RNASEH2B: variants seen among roughly 807,000 people sequenced by gnomAD.
RNASEH2B encodes the protein ribonuclease H2 subunit B, also known as Aicardi-Goutieres syndrome 2 protein.
RNASEH2B carries 36 observed loss-of-function variants against 45.0 expected under a neutral mutation model. The observed-to-expected ratio is 0.80, with a 90% confidence interval of 0.61 to 1.06. RNASEH2B has a LOEUF of 1.06. RNASEH2B is among the 50% of genes least tolerant of loss of function. The pLI is 0.00. For synonymous variants in RNASEH2B, 119 were observed against 125.7 expected (o/e 0.95, Z 0.35); for missense variants, 361 against 360.3 (o/e 1.00, Z -0.02).
In RNASEH2B at chr13:50,948,005, C is replaced by A. The variant is rs1566088283; in HGVS notation, c.635C>A (p.Ala212Asp). 2 of 1,610,654 alleles carry A rather than the reference C, an allele frequency of 1.2e-6. No individual in the cohort carries two copies. The highest frequency in any genetic ancestry group is 1.7e-6 in the Non-Finnish European group (2 of 1,179,134). Residue 212 changes from alanine to aspartate, a missense_variant, in exon 8 of 11, where the codon GCC becomes GAC. Transcript: ENST00000336617. ...TDKEEDYIRY[A>D]HGLISDYIPK... Reference sequence around the variant, plus strand: ...CTTTCAGAGGATTATATTCGTTATGCCCATGGTCTGATATCTGACTACATC... The same window carrying A: ...CTTTCAGAGGATTATATTCGTTATGACCATGGTCTGATATCTGACTACATC...
At chr13:50,970,215 T>G (rs1217140921) in exon 10 of RNASEH2B, 2 of 581,696 alleles carry the variant, frequency 3.4e-6, no homozygotes, top group African/African-American at 3.8e-5. Flanking sequence ...GCGGTGCACC[T>G]GTTCAGTCTG....
chr13:50,946,592 T>A (rs574805372), intron 7 of RNASEH2B, among the ~76,000 whole-genome samples: 35 of 152,086 alleles, frequency 2.3e-4, no homozygotes, highest in Non-Finnish European at 4.3e-4. Flanking sequence ...GATGGAACCA[T>A]AGATTTTGTT....
chr13:50,967,528 A>G (rs910273528), intron 9 of RNASEH2B, among the ~76,000 whole-genome samples: 2 of 152,192 alleles, frequency 1.3e-5, no homozygotes, highest in Non-Finnish European at 2.9e-5. Flanking sequence ...GCAGTTGAAC[A>G]AGGGAAGGTC....
downstream of RNASEH2B, chr13:50,960,143 A>G (rs1952096711): frequency 2.6e-6 from 3 of 1,142,026 alleles, no homozygotes; most frequent in South Asian, 1.3e-4. Context: ...GTTTTTTTCC[A>G]GCTAGGTCTA....
rs759273327 is a variant in RNASEH2B at position 50,934,923 on chromosome 13, C to A, written c.360C>A (p.Asn120Lys). ...FQPLDQVVVD[N>K]VFPNCILLLK... is the part of the protein sequence containing the mutation. ...CCCTTGATCAAGTTGTGGTGGATAACGTGTTTCCAAATTGCATCTTGTTGC... is the reference window on the plus strand; with the variant it reads ...CCCTTGATCAAGTTGTGGTGGATAAAGTGTTTCCAAATTGCATCTTGTTGC... Residue 120 changes from asparagine (N) to lysine (K), a missense_variant, in exon 5 of 11, where the codon AAC (asparagine) becomes AAA (lysine). By Grantham distance (94) the Asn-to-Lys change is moderately conservative. Coordinates refer to ENST00000336617, the MANE Select transcript of RNASEH2B (RefSeq NM_024570.4). The A allele has an allele frequency of 6.2e-7, 1 of 1,613,732 alleles. No homozygotes were observed. The highest frequency in any genetic ancestry group is 2.2e-5 in the East Asian group (1 of 44,888).
intron 1 of RNASEH2B, among the ~76,000 whole-genome samples, chr13:50,918,768 A>G (rs896197342): frequency 9.2e-5 from 14 of 152,348 alleles, no homozygotes; most frequent in African/African-American, 2.9e-4. Context: ...GTATCTGGCA[A>G]ACAGGCAGGA....
chr13:50,964,261 G>A (rs1035740225), intron 9 of RNASEH2B, among the ~76,000 whole-genome samples: 1 of 152,142 alleles, frequency 6.6e-6, no homozygotes, highest in Non-Finnish European at 1.5e-5. Flanking sequence ...ACTTTTGAGA[G>A]TAGTAGCCAG....
chr13:50,945,790 G>A (rs998644968), intron 7 of RNASEH2B, among the ~76,000 whole-genome samples: 4 of 152,110 alleles, frequency 2.6e-5, no homozygotes, highest in African/African-American at 9.7e-5. Context: ...TAACAACCCT[G>A]GCTATCATTT....
chr13:50,947,528 A>G (rs1364778087), intron 7 of RNASEH2B, among the ~76,000 whole-genome samples: 1 of 151,740 alleles, frequency 6.6e-6, no homozygotes, highest in Non-Finnish European at 1.5e-5. Flanking sequence ...ATGGTATTTT[A>G]TTTCTCTTAA....
intron 1 of RNASEH2B, chr13:50,913,203 G>T (rs1477163300): frequency 6.6e-6 from 1 of 152,162 alleles, no homozygotes; most frequent in African/African-American, 2.4e-5. Flanking sequence ...TAGCCTGTTT[G>T]CAGTTTTAAT....
At chr13:50,915,029 C>T (rs1879658210) in intron 1 of RNASEH2B, among the ~76,000 whole-genome samples, 1 of 152,186 alleles carries the variant, frequency 6.6e-6, no homozygotes, top group Admixed American at 6.5e-5. Context: ...TAAAGCCTCA[C>T]TTTTGTCATC....
At chr13:50,948,971 C>G (rs975039822) in intron 8 of RNASEH2B, 2 of 157,354 alleles carry the variant, frequency 1.3e-5, no homozygotes, top group Non-Finnish European at 2.8e-5. Context: ...TCTTTGTACT[C>G]CATTGTTTGT....
At chr13:50,928,469 G>A (rs1951631383) in intron 2 of RNASEH2B, 1 of 152,170 alleles carries the variant, frequency 6.6e-6, no homozygotes, top group South Asian at 2.1e-4. Context: ...AGAAGTTTTA[G>A]GTAGCAGTAA....
chr13:50,934,956 T>A lies in RNASEH2B; in HGVS notation c.393T>A (p.Leu131=). ...CAAATTGCATCTTGTTGCTGAAACT[T>A]CCTGGACTTGAGAAGTTACTTCATC... is the stretch of plus-strand genomic sequence containing the variant. ...VFPNCILLLK[L]PGLEKLLHHV... The change falls in exon 5 of 11, where the codon CTT becomes CTA. Residue 131 remains leucine (L), a synonymous_variant. Transcript: ENST00000336617. 6.2e-7 allele frequency: 1 copy of A among 1,614,002 alleles called. No homozygotes were observed. Among genetic ancestry groups the A allele is most frequent in the Non-Finnish European group, 8.5e-7 (1 of 1,179,868 alleles).
intron 9 of RNASEH2B, among the ~76,000 whole-genome samples, chr13:50,963,952 CT>C (rs1952139427): frequency 6.6e-6 from 1 of 152,206 alleles, no homozygotes; most frequent in Non-Finnish European, 1.5e-5. Flanking sequence ...AATCCCAGCA[CT>C]TTGGGAGGCC....
downstream of RNASEH2B, among the ~76,000 whole-genome samples, chr13:50,959,129 CATCTT>C (rs71693211): frequency 0.21 from 32,141 of 151,902 alleles, 3,789 homozygotes; most frequent in African/African-American, 0.33. Context: ...AATCAATTGT[CATCTT>C]ATAGAGAATT....
At chr13:50,913,350 G>C (rs1339339440) in intron 1 of RNASEH2B, among the ~76,000 whole-genome samples, 1 of 152,046 alleles carries the variant, frequency 6.6e-6, no homozygotes. Context: ...ATGCTACTAA[G>C]TTGGGATGTA....
downstream of RNASEH2B, among the ~76,000 whole-genome samples, chr13:50,961,561 G>GGCAAGGGC (rs1377371918): frequency 1.1e-4 from 16 of 152,094 alleles, no homozygotes; most frequent in African/African-American, 3.9e-4. Flanking sequence ...TGCGACTGGA[G>GGCAAGGGC]TTTCAGCCTC....
At position 50,956,439 on chromosome 13, in the gene RNASEH2B, G is replaced by A. The variant is rs749003546; in HGVS notation, c.904G>A (p.Gly302Arg). ...AATGAAAAGTATTGATACCTTTTTTGGGGTAAAAAATAAAAAAAAAATTGG... is the reference window on the plus strand; with the variant it reads ...AATGAAAAGTATTGATACCTTTTTTAGGGTAAAAAATAAAAAAAAAATTGG... ...SGMKSIDTFFGVKNKKKIGKV is the reference protein window; with the variant it reads ...SGMKSIDTFFRVKNKKKIGKV Residue 302 changes from glycine (G) to arginine (R), a missense_variant, in exon 11 of 11, where the codon GGG becomes AGG. Gly to Arg is a moderately radical substitution (Grantham distance 125). Coordinates refer to ENST00000336617, the MANE Select transcript of RNASEH2B (RefSeq NM_024570.4). 5.9e-5 allele frequency: 94 copies of A among 1,597,110 alleles called. No homozygotes were observed. Among genetic ancestry groups the A allele is most frequent in the Non-Finnish European group, 7.8e-5 (91 of 1,169,734 alleles).
Sources: gnomAD v4.1 joint callset for allele counts (sites outside exome capture counted in the v4.1 genomes callset) on GRCh38, gnomAD v4.1.1 for gene constraint, MANE v1.5 for transcripts, NCBI Gene and HGNC (gene_info 2026-07-23, HGNC 2026-07-21) for gene names.